Variants in TLL1 observed in about 807,000 individuals in gnomAD.
TLL1 encodes tolloid like 1.
In TLL1, 49 loss-of-function variants were observed where a neutral mutation model predicts 128.2. That is an observed-to-expected ratio of 0.38 (90% CI 0.30 to 0.48). TLL1 has a LOEUF of 0.48. Among genes scored for constraint, TLL1 ranks in the 20% least tolerant of loss-of-function variants. The pLI is 0.96. For synonymous variants in TLL1, 454 were observed against 418.8 expected, an observed-to-expected ratio of 1.08 and a Z score of -1.03; for missense variants, 1,123 against 1,242.0, an observed-to-expected ratio of 0.90 and a Z score of 1.44.
chr4:165,877,777 C>CT lies in TLL1; in HGVS notation c.169+3716dup, dbSNP rs35301128. On this transcript the variant is annotated intron_variant, in intron 1 of 20. Transcript: ENST00000061240. Reference sequence around the variant, plus strand: ...CCTTCCCTTCTTTCCCTTCTTCTTTCTTTTTTTTTTTTCTTTTTTTGTATT... The same window carrying CT: ...CCTTCCCTTCTTTCCCTTCTTCTTTCTTTTTTTTTTTTTCTTTTTTTGTATT... Among the ~76,000 whole-genome samples the CT allele has an allele frequency of 3.3e-3, 468 of 143,846 alleles. 1 individual carries two copies. The highest frequency in any genetic ancestry group is 7.0e-3 in the African/African-American group (277 of 39,740). The allele number at this position is 143,846 out of a possible 152,430, so 94.4% of individuals were successfully genotyped here.
chr4:166,083,985 C>T (rs997392711), intron 18 of TLL1, among the ~76,000 whole-genome samples: 4 of 152,112 alleles, frequency 2.6e-5, no homozygotes, highest in African/African-American at 9.7e-5. Flanking sequence ...GATGGCTGTA[C>T]TAATTTACAT....
intron 5 of TLL1, among the ~76,000 whole-genome samples, chr4:165,998,118 G>A (rs952892383): frequency 2.6e-5 from 4 of 151,902 alleles, no homozygotes; most frequent in Non-Finnish European, 5.9e-5. Flanking sequence ...TTTCTTCAAC[G>A]AAGTATTTTT....
chr4:165,895,622 A>G (rs924846522), intron 1 of TLL1, among the ~76,000 whole-genome samples: 1 of 138,000 alleles, frequency 7.2e-6, no homozygotes, highest in African/African-American at 3.0e-5. Flanking sequence ...AAAGCTCAGT[A>G]AGACTTTTTG....
chr4:165,946,636 G>A (rs1044661148), intron 1 of TLL1, among the ~76,000 whole-genome samples: 8 of 151,742 alleles, frequency 5.3e-5, no homozygotes, highest in Admixed American at 3.9e-4. Flanking sequence ...CATGGTGCCC[G>A]TAAAAATTTG....
At chr4:166,070,224 C>A (rs1050831694) in intron 16 of TLL1, among the ~76,000 whole-genome samples, 4 of 151,710 alleles carry the variant, frequency 2.6e-5, no homozygotes, top group African/African-American at 7.3e-5. Context: ...ATACATGATG[C>A]AATTTACTTA....
chr4:165,992,817 C>T lies in TLL1; in HGVS notation c.294C>T (p.Asp98=), dbSNP rs377042841. The change falls in exon 3 of 21, where the codon GAC becomes GAT. Residue 98 remains aspartate (D), a synonymous_variant. Transcript: ENST00000061240. ...TTATTCTTTAAGGTGGACTTGGAGA[C>T]CATGCTATGTCAAAGAAGCGAGGGG... The part of the protein sequence containing the change: ...NLGHTTGGLG[D]HAMSKKRGAL... 1 of 1,613,184 alleles carries T rather than the reference C, an allele frequency of 6.2e-7. No individual in the cohort carries two copies. Among genetic ancestry groups the T allele is most frequent in the South Asian group, 1.1e-5 (1 of 91,070 alleles).
intron 19 of TLL1, among the ~76,000 whole-genome samples, chr4:166,093,279 C>A (rs184841063): frequency 6.6e-6 from 1 of 152,068 alleles, no homozygotes; most frequent in Non-Finnish European, 1.5e-5. Context: ...AAGAGGAATG[C>A]GCTAGGAGAG....
chr4:166,004,991 A>G (rs950297031), intron 6 of TLL1, among the ~76,000 whole-genome samples: 1 of 152,010 alleles, frequency 6.6e-6, no homozygotes, highest in Non-Finnish European at 1.5e-5. Flanking sequence ...AGAAATCTAA[A>G]TAAGTAGGTA....
chr4:165,938,229 T>C (rs893857060), intron 1 of TLL1, among the ~76,000 whole-genome samples: 1 of 152,088 alleles, frequency 6.6e-6, no homozygotes, highest in Non-Finnish European at 1.5e-5. Context: ...CATTGTTTTT[T>C]AGTGTCTTAT....
At chr4:166,056,376 T>A (rs1339163325) in intron 13 of TLL1, among the ~76,000 whole-genome samples, 3 of 151,408 alleles carry the variant, frequency 2.0e-5, no homozygotes, top group Admixed American at 6.6e-5. Context: ...ATATACATTT[T>A]AAAAAATATT....
intron 1 of TLL1, among the ~76,000 whole-genome samples, chr4:165,945,929 G>T (rs1734225448): frequency 6.6e-6 from 1 of 152,096 alleles, no homozygotes; most frequent in African/African-American, 2.4e-5. Flanking sequence ...GATTTTTCAG[G>T]TGAGCCCACT....
At chr4:165,886,564 G>T (rs1373520163) in intron 1 of TLL1, among the ~76,000 whole-genome samples, 2 of 152,116 alleles carry the variant, frequency 1.3e-5, no homozygotes, top group African/African-American at 4.8e-5. Context: ...TGGGGGATTA[G>T]TTCCAGCACC....
intron 1 of TLL1, among the ~76,000 whole-genome samples, chr4:165,923,291 T>G (rs1042724835): frequency 6.6e-6 from 1 of 152,094 alleles, no homozygotes; most frequent in African/African-American, 2.4e-5. Flanking sequence ...CTTTTGTAAG[T>G]AAGAGATTAT....
intron 1 of TLL1, among the ~76,000 whole-genome samples, chr4:165,906,182 T>C (rs999461065): frequency 1.3e-5 from 2 of 152,250 alleles, no homozygotes; most frequent in East Asian, 1.9e-4. Context: ...CTATAGATAG[T>C]GTGAGCCTCT....
At chr4:165,973,086 G>A (rs1735701896) in intron 1 of TLL1, among the ~76,000 whole-genome samples, 1 of 152,060 alleles carries the variant, frequency 6.6e-6, no homozygotes, top group Admixed American at 6.6e-5. Flanking sequence ...GTTCTCCAGA[G>A]GGACAGAACT....
intron 14 of TLL1, among the ~76,000 whole-genome samples, chr4:166,059,250 G>A (rs1172379346): frequency 6.6e-6 from 1 of 151,718 alleles, no homozygotes. Flanking sequence ...GACAAAAAAG[G>A]GACCAGTTAT....
intron 19 of TLL1, among the ~76,000 whole-genome samples, chr4:166,092,158 C>T (rs1242467765): frequency 6.6e-6 from 1 of 151,968 alleles, no homozygotes; most frequent in African/African-American, 2.4e-5. Context: ...GTGGAAAACA[C>T]AGTATAAAAA....
In TLL1 at chr4:166,101,859, A is replaced by T. The variant is rs1247724508; in HGVS notation, c.*983A>T. On this transcript the variant is annotated 3_prime_UTR_variant, in exon 21 of 21. Transcript: ENST00000061240. ...ATTTTTTAAAATTGAAATGAAGCAG[A>T]AGTAGGCCTTGTGAGAACTGAAAGG... is the stretch of plus-strand genomic sequence containing the variant. The T allele has an allele frequency of 2.0e-5, 3 of 152,562 alleles. No homozygotes were observed. In the Admixed American group the frequency reaches 2.0e-4, roughly 10 times the overall value. The allele number at this position is 152,562 out of a possible 1,614,324, so 9.5% of individuals were successfully genotyped here.
chr4:165,928,521 A>G (rs1733372187), intron 1 of TLL1, among the ~76,000 whole-genome samples: 1 of 152,216 alleles, frequency 6.6e-6, no homozygotes, highest in Non-Finnish European at 1.5e-5. Context: ...CAAAAGGAAC[A>G]GCAAAAGCTA....
Sources: allele counts gnomAD v4.1 joint callset (sites outside exome capture counted in the v4.1 genomes callset), GRCh38; gene constraint gnomAD v4.1.1; transcripts MANE v1.5; gene names NCBI Gene and HGNC (gene_info 2026-07-23, HGNC 2026-07-21).